NDC1: variants seen among roughly 807,000 people sequenced by gnomAD.
The protein encoded by NDC1 is NDC1 transmembrane nucleoporin, also known as nucleoporin NDC1.
NDC1 carries 24 observed loss-of-function variants against 89.8 expected under a neutral mutation model. The ratio of observed to expected loss-of-function variants is 0.27; its 90% confidence interval spans 0.19 to 0.38. The LOEUF is 0.38. Ranked by LOEUF, NDC1 falls within the 10% of genes least tolerant of loss-of-function variation. The pLI, the probability that NDC1 is intolerant of heterozygous loss-of-function variation, is 1.00. For synonymous variants in NDC1, 296 were observed against 284.8 expected, an observed-to-expected ratio of 1.04 and a Z score of -0.39; for missense variants, 728 against 797.6, an observed-to-expected ratio of 0.91 and a Z score of 1.05.
chr1:53,835,075 CTG>C (rs1412660483), intron 2 of NDC1, among the ~76,000 whole-genome samples: 2 of 152,102 alleles, frequency 1.3e-5, no homozygotes, highest in African/African-American at 4.8e-5. Flanking sequence ...GAGCAAGACT[CTG>C]TTTCAAAAAA....
intron 6 of NDC1, among the ~76,000 whole-genome samples, chr1:53,812,722 A>C (rs914539504): frequency 3.3e-5 from 5 of 152,252 alleles, no homozygotes; most frequent in Admixed American, 2.6e-4. Context: ...GCCTTGCTAG[A>C]CCTAGACATC....
At chr1:53,838,065 C>T (rs2100703275) in intron 1 of NDC1, 140 bp downstream of exon 1, 2 of 739,492 alleles carry the variant, frequency 2.7e-6, no homozygotes, top group Non-Finnish European at 4.4e-6. Flanking sequence ...GCAATCAGTC[C>T]CCCAAGTGGT....
intron 14 of NDC1, among the ~76,000 whole-genome samples, chr1:53,789,615 T>C (rs994598916): frequency 6.6e-6 from 1 of 151,910 alleles, no homozygotes; most frequent in Non-Finnish European, 1.5e-5. Context: ...CTGGCCAATA[T>C]AGTGAAACCC....
intron 6 of NDC1, among the ~76,000 whole-genome samples, chr1:53,812,995 T>A (rs1400109677): frequency 6.6e-6 from 1 of 152,212 alleles, no homozygotes; most frequent in African/African-American, 2.4e-5. Flanking sequence ...GAATTTTGTA[T>A]CCAGCGAAAC....
intron 6 of NDC1, among the ~76,000 whole-genome samples, chr1:53,814,091 T>C (rs1408343464): frequency 6.6e-6 from 1 of 152,204 alleles, no homozygotes; most frequent in Non-Finnish European, 1.5e-5. Flanking sequence ...CAGTGGCTCA[T>C]GCCTGTAATC....
Position 53,812,055 on chromosome 1 carries a change from G to A in NDC1, c.704-2309C>T, listed in dbSNP as rs546390203. Among the ~76,000 whole-genome samples, 6 of 152,290 alleles carry A rather than the reference G, an allele frequency of 3.9e-5. No individual in the cohort carries two copies. In the South Asian group the frequency reaches 1.0e-3, roughly 26 times the overall value. On this transcript the variant is annotated intron_variant, in intron 6 of 17. Transcript: ENST00000371429. ...CAGGAAGCCACATCCATAGGAAAAG[G>A]CGGAGAGTACTGCATCAAAGGAACA...
intron 1 of NDC1, among the ~76,000 whole-genome samples, chr1:53,835,829 C>T (rs1192023144): frequency 6.6e-6 from 1 of 152,156 alleles, no homozygotes; most frequent in African/African-American, 2.4e-5. Context: ...TTAGGTGCAA[C>T]ATCAAATATC....
chr1:53,792,159 G>A (rs373980043), intron 14 of NDC1, among the ~76,000 whole-genome samples: 6 of 152,064 alleles, frequency 3.9e-5, no homozygotes, highest in African/African-American at 9.7e-5. Flanking sequence ...AGCCAGGATG[G>A]TCTTGATCTC....
chr1:53,802,596 A>G (rs1356273435), intron 10 of NDC1, among the ~76,000 whole-genome samples: 1 of 152,210 alleles, frequency 6.6e-6, no homozygotes, highest in Non-Finnish European at 1.5e-5. Context: ...AGAGGATCAT[A>G]TGAGCCCAGC....
intron 14 of NDC1, among the ~76,000 whole-genome samples, chr1:53,789,596 G>A (rs963169981): frequency 1.3e-5 from 2 of 151,844 alleles, no homozygotes; most frequent in Non-Finnish European, 2.9e-5. Context: ...TCAGGAGTTC[G>A]AGACCAGCCT....
At chr1:53,780,414 C>T (rs1434227328) in intron 16 of NDC1, among the ~76,000 whole-genome samples, 1 of 152,192 alleles carries the variant, frequency 6.6e-6, no homozygotes, top group Non-Finnish European at 1.5e-5. Context: ...GTGGCACTGA[C>T]TACAACTGTA....
intron 9 of NDC1, among the ~76,000 whole-genome samples, chr1:53,805,346 G>C (rs1298958168): frequency 6.6e-6 from 1 of 152,088 alleles, no homozygotes. Flanking sequence ...TGGGACCACA[G>C]GCATGTGCCA....
chr1:53,832,594 A>C lies in NDC1; in HGVS notation c.179-3T>G. ...ACTATACAGGTCACTGAAAGAATCT[A>C]AAACACAAGAGAGATGAATTAGTAA... On this transcript the variant is annotated splice_polypyrimidine_tract_variant and splice_region_variant and intron_variant, in intron 2 of 17. Transcript: ENST00000371429. The C allele has an allele frequency of 6.8e-7, 1 of 1,471,824 alleles. No individual in the cohort carries two copies. Among genetic ancestry groups the C allele is most frequent in the Non-Finnish European group, 9.5e-7 (1 of 1,052,090 alleles). 91.2% of individuals were successfully genotyped at this position (1,471,824 alleles called of 1,614,324 possible).
chr1:53,804,253 C>T lies in NDC1; in HGVS notation c.985-244G>A, dbSNP rs74967712. Among the ~76,000 whole-genome samples, 720 of 152,216 alleles carry T rather than the reference C, an allele frequency of 4.7e-3. 6 individuals carry two copies. Among genetic ancestry groups the T allele is most frequent in the African/African-American group, 0.016 (673 of 41,538 alleles). On this transcript the variant is annotated intron_variant, in intron 9 of 17. Coordinates refer to ENST00000371429, the MANE Select transcript of NDC1 (RefSeq NM_018087.5). ...TTCTCTGTGCTCTTTCATATATCTG[C>T]GGTGGGAAATTGAAACATCACTTCC... is the stretch of plus-strand genomic sequence containing the variant.
chr1:53,773,841 C>T (rs1050887534), intron 16 of NDC1, among the ~76,000 whole-genome samples: 6 of 152,182 alleles, frequency 3.9e-5, no homozygotes, highest in African/African-American at 1.4e-4. Flanking sequence ...GGGTGTTCTA[C>T]TCTCTCTTAA....
At chr1:53,790,873 G>A (rs370509777) in intron 14 of NDC1, among the ~76,000 whole-genome samples, 3 of 152,074 alleles carry the variant, frequency 2.0e-5, no homozygotes, top group Admixed American at 2.0e-4. Context: ...TTTGTTACAC[G>A]TATATAATGC....
At chr1:53,830,213 G>A (rs1345287136) in intron 3 of NDC1, among the ~76,000 whole-genome samples, 3 of 151,438 alleles carry the variant, frequency 2.0e-5, no homozygotes, top group African/African-American at 7.3e-5. Flanking sequence ...CAGCACTTTG[G>A]GAGGTCAAGG....
At chr1:53,795,740 C>T (rs1647676745) in intron 13 of NDC1, among the ~76,000 whole-genome samples, 1 of 152,194 alleles carries the variant, frequency 6.6e-6, no homozygotes, top group Admixed American at 6.5e-5. Context: ...TACTTAACAC[C>T]TTAACACCGT....
intron 5 of NDC1, among the ~76,000 whole-genome samples, chr1:53,821,791 T>C (rs1381721384): frequency 1.3e-5 from 2 of 152,238 alleles, no homozygotes; most frequent in African/African-American, 2.4e-5. Flanking sequence ...TTCTGTGATG[T>C]AGCTATGAAC....
Sources: gnomAD v4.1 joint callset for allele counts (sites outside exome capture counted in the v4.1 genomes callset) on GRCh38, gnomAD v4.1.1 for gene constraint, MANE v1.5 for transcripts, NCBI Gene and HGNC (gene_info 2026-07-23, HGNC 2026-07-21) for gene names.